The following ARNT2 variants were observed in gnomAD, a reference collection of about 807,000 sequenced individuals.
ARNT2 encodes ARNT protein 2.
In ARNT2, 36 loss-of-function variants were observed where a neutral mutation model predicts 91.7. The ratio of observed to expected loss-of-function variants is 0.39; its 90% CI spans 0.30 to 0.52. ARNT2 has a LOEUF of 0.52. ARNT2 is among the 20% of genes least tolerant of loss of function. The pLI is 0.72. For synonymous variants in ARNT2, 365 were observed against 347.1 expected, an observed-to-expected ratio of 1.05 and a Z score of -0.57; for missense variants, 775 against 939.3, an observed-to-expected ratio of 0.83 and a Z score of 2.29.
At chr15:80,553,941 C>T (rs188108671) in intron 10 of ARNT2, among the ~76,000 whole-genome samples, 1 of 152,154 alleles carries the variant, frequency 6.6e-6, no homozygotes, top group African/African-American at 2.4e-5. Context: ...TCCAAATTCA[C>T]CCCAACCTCT....
intron 12 of ARNT2, among the ~76,000 whole-genome samples, chr15:80,572,896 G>C (rs190731181): frequency 1.3e-5 from 2 of 152,188 alleles, no homozygotes. Flanking sequence ...AGTGGTTGCT[G>C]TCAGTGCTGT....
rs931319982 is a variant in ARNT2 at position 80,552,693 on chromosome 15, G to A, written c.1008G>A (p.Glu336=). 1.9e-6 allele frequency: 3 copies of A among 1,614,016 alleles called. No individual in the cohort carries two copies. The highest frequency in any genetic ancestry group is 2.5e-6 in the Non-Finnish European group (3 of 1,180,000). ...TGAATGGGATGTCGGTGCCCACAGA[G>A]TTCTTATCCCGGCATAACTCCGATG... The part of the protein sequence containing the change: ...MDMNGMSVPT[E]FLSRHNSDGI... The change falls in exon 10 of 19, where the codon GAG becomes GAA. Residue 336 remains glutamate (E), a synonymous_variant. Transcript: ENST00000303329.
At chr15:80,490,728 G>C (rs767264663) in intron 5 of ARNT2, among the ~76,000 whole-genome samples, 2 of 152,252 alleles carry the variant, frequency 1.3e-5, no homozygotes, top group Non-Finnish European at 2.9e-5. Context: ...CTTTATGGGA[G>C]GCAAATTGCA....
chr15:80,443,635 T>A (rs932549834), intron 1 of ARNT2, among the ~76,000 whole-genome samples: 13 of 151,624 alleles, frequency 8.6e-5, no homozygotes, highest in African/African-American at 3.2e-4. Flanking sequence ...TGCCCTGAGG[T>A]CTGGAAGAGG....
intron 7 of ARNT2, 115 bp downstream of exon 7, chr15:80,514,091 C>A: frequency 1.8e-6 from 2 of 1,114,656 alleles, no homozygotes; most frequent in Non-Finnish European, 2.7e-6. Flanking sequence ...CCAAGAGAAC[C>A]AGACATCAGG....
chr15:80,514,347 A>T lies in ARNT2; in HGVS notation c.819A>T (p.Gly273=). 1 of 1,614,220 alleles carries T rather than the reference A, an allele frequency of 6.2e-7. No individual in the cohort carries two copies. Among genetic ancestry groups the T allele is most frequent in the Non-Finnish European group, 8.5e-7 (1 of 1,180,032 alleles). The change falls in exon 8 of 19, where the codon GGA becomes GGT. Residue 273 remains glycine, a synonymous_variant. Transcript: ENST00000303329. ...FRNGLGPVKE[G]EAQYAVVHCT... The stretch of plus-strand genomic sequence containing the variant: ...ATGGCCTTGGCCCTGTGAAAGAAGG[A>T]GAAGCCCAATATGCTGTGGTCCACT...
intron 1 of ARNT2, among the ~76,000 whole-genome samples, chr15:80,429,924 C>T (rs1169344017): frequency 6.6e-6 from 1 of 152,176 alleles, no homozygotes; most frequent in Non-Finnish European, 1.5e-5. Flanking sequence ...GGCACCCCCA[C>T]CAGGTACCTC....
At position 80,506,027 on chromosome 15, in the gene ARNT2, C is replaced by T. The variant is rs540054354; in HGVS notation, c.623-2129C>T. 8.4e-4 allele frequency among the ~76,000 whole-genome samples: 122 copies of T among 144,838 alleles called. 1 individual carries two copies. The highest frequency in any genetic ancestry group is 1.5e-3 in the Non-Finnish European group (101 of 66,702). Reference sequence around the variant, plus strand: ...TCTCGGCTCACTGAAAGCTCCGCTTCCCGGGTTCATGCCATTCTCCTGCCT... The same window carrying T: ...TCTCGGCTCACTGAAAGCTCCGCTTTCCGGGTTCATGCCATTCTCCTGCCT... On this transcript the variant is annotated intron_variant, in intron 5 of 18. Transcript: ENST00000303329.
At chr15:80,494,604 G>C (rs1344366852) in intron 5 of ARNT2, among the ~76,000 whole-genome samples, 1 of 152,178 alleles carries the variant, frequency 6.6e-6, no homozygotes, top group East Asian at 1.9e-4. Flanking sequence ...GGAGGACTGT[G>C]GGGTGATGAT....
At chr15:80,525,743 T>G (rs2141437178) in intron 8 of ARNT2, among the ~76,000 whole-genome samples, 1 of 152,304 alleles carries the variant, frequency 6.6e-6, no homozygotes, top group South Asian at 2.1e-4. Context: ...AATGAGGTCA[T>G]GGCACTCTTA....
At chr15:80,542,513 A>G (rs1324607938) in intron 8 of ARNT2, among the ~76,000 whole-genome samples, 1 of 152,188 alleles carries the variant, frequency 6.6e-6, no homozygotes, top group Non-Finnish European at 1.5e-5. Flanking sequence ...TCAATATCTG[A>G]GCTGCTAGTC....
At chr15:80,568,128 C>G (rs191267361) in intron 12 of ARNT2, among the ~76,000 whole-genome samples, 1 of 152,094 alleles carries the variant, frequency 6.6e-6, no homozygotes, top group African/African-American at 2.4e-5. Flanking sequence ...TGCTTTTTTT[C>G]CTGTTCCATC....
chr15:80,584,431 G>A (rs1053740730), intron 17 of ARNT2, among the ~76,000 whole-genome samples: 1 of 152,126 alleles, frequency 6.6e-6, no homozygotes, highest in African/African-American at 2.4e-5. Flanking sequence ...GTTAGGAAGA[G>A]GACCCAAAGG....
intron 5 of ARNT2, among the ~76,000 whole-genome samples, chr15:80,489,422 G>A (rs4778599): frequency 0.27 from 40,708 of 152,182 alleles, 6,447 homozygotes; most frequent in East Asian, 0.57. Flanking sequence ...GCAGTGATCT[G>A]ATAGATGGCT....
At chr15:80,490,069 G>A (rs1334589275) in intron 5 of ARNT2, among the ~76,000 whole-genome samples, 1 of 152,032 alleles carries the variant, frequency 6.6e-6, no homozygotes, top group Admixed American at 6.5e-5. Flanking sequence ...TACCTAGTCA[G>A]GGATTCGTGC....
At chr15:80,559,216 C>G (rs1898268129) in intron 11 of ARNT2, among the ~76,000 whole-genome samples, 1 of 152,254 alleles carries the variant, frequency 6.6e-6, no homozygotes, top group Non-Finnish European at 1.5e-5. Context: ...AATTTAACAT[C>G]TGATCCCACC....
chr15:80,546,503 A>G (rs902717120), intron 8 of ARNT2, among the ~76,000 whole-genome samples: 1 of 152,218 alleles, frequency 6.6e-6, no homozygotes, highest in Non-Finnish European at 1.5e-5. Context: ...TTTTCCATGG[A>G]GAGCAGAAAG....
chr15:80,570,264 T>C (rs1898561799), intron 12 of ARNT2, among the ~76,000 whole-genome samples: 1 of 152,182 alleles, frequency 6.6e-6, no homozygotes, highest in African/African-American at 2.4e-5. Flanking sequence ...ACATTCTAAC[T>C]GTTACTCTGG....
chr15:80,462,920 C>CT, intron 3 of ARNT2, among the ~76,000 whole-genome samples: 1 of 152,276 alleles, frequency 6.6e-6, no homozygotes, highest in South Asian at 2.1e-4. Context: ...GGTATTTAAG[C>CT]TTGTAGGCAT....
Sources: allele counts gnomAD v4.1 joint callset (sites outside exome capture counted in the v4.1 genomes callset), GRCh38; gene constraint gnomAD v4.1.1; transcripts MANE v1.5; gene names NCBI Gene and HGNC (gene_info 2026-07-23, HGNC 2026-07-21).